GALNT10: variants seen among roughly 807,000 people sequenced by gnomAD.
The protein encoded by GALNT10 is polypeptide N-acetylgalactosaminyltransferase 10, also known as GalNAc transferase 10.
A neutral mutation model predicts 75.0 loss-of-function variants in GALNT10; 41 were observed. That is an observed-to-expected ratio of 0.55 (90% confidence interval 0.43 to 0.71). The LOEUF is 0.71. GALNT10 is among the 30% of genes least tolerant of loss of function. The pLI is 0.00. For synonymous variants in GALNT10, 302 were observed against 313.0 expected (o/e 0.96, Z 0.37); for missense variants, 727 against 818.5 (o/e 0.89, Z 1.36).
intron 1 of GALNT10, among the ~76,000 whole-genome samples, chr5:154,263,658 C>T (rs1437878400): frequency 1.3e-5 from 2 of 152,122 alleles, no homozygotes; most frequent in African/African-American, 4.8e-5. Flanking sequence ...GATGAGGGCC[C>T]GCTTTCTAGT....
At chr5:154,380,020 G>T (rs1206551183) in intron 5 of GALNT10, among the ~76,000 whole-genome samples, 1 of 152,230 alleles carries the variant, frequency 6.6e-6, no homozygotes, top group Non-Finnish European at 1.5e-5. Context: ...TCAAGCTCAG[G>T]ACTTGGAATG....
At chr5:154,203,914 C>T (rs1272413884) in intron 1 of GALNT10, among the ~76,000 whole-genome samples, 2 of 152,224 alleles carry the variant, frequency 1.3e-5, no homozygotes, top group Non-Finnish European at 2.9e-5. Flanking sequence ...GTCTCTGCCA[C>T]AACTACTCAA....
chr5:154,273,633 G>C (rs1753904434), intron 1 of GALNT10, among the ~76,000 whole-genome samples: 1 of 152,114 alleles, frequency 6.6e-6, no homozygotes, highest in Non-Finnish European at 1.5e-5. Context: ...TGTTAATAGT[G>C]GTTATCTCTA....
At chr5:154,297,512 G>T (rs1754294999) in intron 2 of GALNT10, among the ~76,000 whole-genome samples, 1 of 152,220 alleles carries the variant, frequency 6.6e-6, no homozygotes, top group South Asian at 2.1e-4. Flanking sequence ...GGAAGCTTTA[G>T]CTCTGAGAGC....
intron 4 of GALNT10, among the ~76,000 whole-genome samples, chr5:154,370,863 C>G (rs921198796): frequency 3.3e-5 from 5 of 152,170 alleles, no homozygotes; most frequent in Non-Finnish European, 7.3e-5. Context: ...TGCAGTAGGC[C>G]GTGGAGTGCA....
chr5:154,308,243 A>T (rs9324772), intron 3 of GALNT10, among the ~76,000 whole-genome samples: 65,802 of 151,510 alleles, frequency 0.43, 14,991 homozygotes, highest in African/African-American at 0.53. Flanking sequence ...CAAAACACCC[A>T]GATAAAATGG....
chr5:154,409,431 G>C lies in GALNT10; in HGVS notation c.1165-110G>C, dbSNP rs2112605. ...CACGGTGGGGCTGGGATTTTTGATGGAACATAAAATAAGAAGGGTTGACCT... is the reference window on the plus strand; with the variant it reads ...CACGGTGGGGCTGGGATTTTTGATGCAACATAAAATAAGAAGGGTTGACCT... On this transcript the variant is annotated intron_variant, in intron 8 of 11. Coordinates refer to ENST00000297107, the MANE Select transcript of GALNT10 (RefSeq NM_198321.4). The surrounding 1 kb of genome is among the most constrained non-coding windows in gnomAD (Gnocchi z 4.5). 273,719 of 784,354 alleles carry C rather than the reference G, an allele frequency of 0.35. 50,060 individuals are homozygous for C. The highest frequency in any genetic ancestry group is 0.39 in the Non-Finnish European group (165,954 of 429,902). The allele number at this position is 784,354 out of a possible 1,614,324, so 48.6% of individuals were successfully genotyped here. A position where few individuals can be genotyped will look rare whatever the true frequency, so the allele number is the denominator to read the frequency against.
chr5:154,282,283 A>T (rs1215916327), intron 1 of GALNT10, among the ~76,000 whole-genome samples: 1 of 152,040 alleles, frequency 6.6e-6, no homozygotes, highest in Non-Finnish European at 1.5e-5. Flanking sequence ...TAAAGGTTCC[A>T]CCTCCCAATA....
chr5:154,354,555 AG>A (rs2113147635), intron 4 of GALNT10, among the ~76,000 whole-genome samples: 2 of 152,218 alleles, frequency 1.3e-5, no homozygotes, highest in South Asian at 4.1e-4. Flanking sequence ...CTGACTTCCC[AG>A]TTGTGTCATC....
rs116824358 is a variant in GALNT10, at chr5:154,252,359, C to T, written c.160-42457C>T. Among the ~76,000 whole-genome samples the T allele has an allele frequency of 4.1e-3, 623 of 152,194 alleles. 1 individual carries two copies. Among genetic ancestry groups the T allele is most frequent in the African/African-American group, 0.014 (579 of 41,532 alleles). ...AGCTCTACCTCTAGTAGATTCCTTA[C>T]GGAGCACTAGTGGGAACAATATTTT... On this transcript the variant is annotated intron_variant, in intron 1 of 11. Transcript: ENST00000297107.
chr5:154,346,693 T>C (rs1011436745), intron 4 of GALNT10, among the ~76,000 whole-genome samples: 2 of 152,218 alleles, frequency 1.3e-5, no homozygotes, highest in Non-Finnish European at 2.9e-5. Flanking sequence ...ACTGCTTTTA[T>C]AACAGTGTAA....
chr5:154,338,911 G>A (rs1754987001), intron 4 of GALNT10, among the ~76,000 whole-genome samples: 1 of 152,236 alleles, frequency 6.6e-6, no homozygotes, highest in Non-Finnish European at 1.5e-5. Flanking sequence ...TAGCAGGTAT[G>A]GAACCATGGC....
chr5:154,373,756 C>G (rs1040442247), intron 4 of GALNT10, among the ~76,000 whole-genome samples: 1 of 152,110 alleles, frequency 6.6e-6, no homozygotes, highest in African/African-American at 2.4e-5. Context: ...AATGTGCTGT[C>G]TAATAAGGAC....
intron 4 of GALNT10, among the ~76,000 whole-genome samples, chr5:154,366,129 A>G (rs1755470314): frequency 6.6e-6 from 1 of 152,238 alleles, no homozygotes; most frequent in African/African-American, 2.4e-5. Context: ...CCTGTCTGTT[A>G]GGTAAAATAA....
intron 1 of GALNT10, among the ~76,000 whole-genome samples, chr5:154,228,355 G>A (rs1198067868): frequency 6.6e-6 from 1 of 152,048 alleles, no homozygotes; most frequent in East Asian, 1.9e-4. Context: ...AATTCCTTTT[G>A]CATCTTTGTC....
chr5:154,202,870 T>G (rs2351229), intron 1 of GALNT10, among the ~76,000 whole-genome samples: 1 of 151,846 alleles, frequency 6.6e-6, no homozygotes, highest in African/African-American at 2.4e-5. Flanking sequence ...CAGCCTGGGG[T>G]GTGCCTCTCT....
intron 1 of GALNT10, among the ~76,000 whole-genome samples, chr5:154,196,617 C>G (rs1162979042): frequency 6.6e-6 from 1 of 150,644 alleles, no homozygotes; most frequent in Non-Finnish European, 1.5e-5. Flanking sequence ...TTTCAGACCT[C>G]AGATCCACAC....
At chr5:154,270,113 G>A (rs534536758) in intron 1 of GALNT10, among the ~76,000 whole-genome samples, 2 of 151,934 alleles carry the variant, frequency 1.3e-5, no homozygotes, top group African/African-American at 4.8e-5. Context: ...ACTCATTCAT[G>A]TGTGACTATA....
chr5:154,191,097 T>A, intron 1 of GALNT10, 72 bp downstream of exon 1: 2 of 1,053,140 alleles, frequency 1.9e-6, no homozygotes, highest in African/African-American at 1.7e-5. Context: ...GGTTCCTTCC[T>A]CCACCTTCTG....
Sources: allele counts gnomAD v4.1 joint callset (sites outside exome capture counted in the v4.1 genomes callset), GRCh38; gene constraint gnomAD v4.1.1; non-coding constraint Gnocchi (gnomAD v3.1); transcripts MANE v1.5; gene names NCBI Gene and HGNC (gene_info 2026-07-23, HGNC 2026-07-21).